BCAP29: variants seen among roughly 807,000 people sequenced by gnomAD.
BCAP29 encodes B cell receptor associated protein 29.
In BCAP29, 34 loss-of-function variants were observed where a neutral mutation model predicts 31.8. That is an observed-to-expected ratio of 1.07 (90% CI 0.81 to 1.42). The LOEUF (loss-of-function observed/expected upper bound fraction) is 1.42, where lower values mean the gene tolerates loss of function less well. Among genes scored for constraint, BCAP29 ranks in the 40% most tolerant of loss-of-function variants. BCAP29 has a pLI of 0.00. For synonymous variants in BCAP29, 104 were observed against 91.3 expected, an observed-to-expected ratio of 1.14 and a Z score of -0.79; for missense variants, 314 against 269.2, an observed-to-expected ratio of 1.17 and a Z score of -1.16.
At chr7:107,599,422 AG>A (rs1396509357) in intron 5 of BCAP29, among the ~76,000 whole-genome samples, 1 of 144,902 alleles carries the variant, frequency 6.9e-6, no homozygotes, top group East Asian at 2.0e-4. Context: ...CAAGAGGCTG[AG>A]ATGGGAGGAT....
chr7:107,585,181 A>G (rs1807413266), intron 3 of BCAP29, among the ~76,000 whole-genome samples: 1 of 152,220 alleles, frequency 6.6e-6, no homozygotes, highest in Non-Finnish European at 1.5e-5. Flanking sequence ...TTGGTTAAAT[A>G]GGATTTAGAG....
At chr7:107,599,415 G>A (rs1357339909) in intron 5 of BCAP29, among the ~76,000 whole-genome samples, 1 of 142,952 alleles carries the variant, frequency 7.0e-6, no homozygotes, top group African/African-American at 2.6e-5. Flanking sequence ...AGCTACTCAA[G>A]AGGCTGAGAT....
chr7:107,602,312 G>T (rs1039015989), intron 6 of BCAP29, among the ~76,000 whole-genome samples: 4 of 152,114 alleles, frequency 2.6e-5, no homozygotes, highest in African/African-American at 4.8e-5. Flanking sequence ...TCAGAGTTCC[G>T]TTTCTAAAGA....
At chr7:107,606,121 C>T (rs1812039539) in intron 6 of BCAP29, among the ~76,000 whole-genome samples, 1 of 152,096 alleles carries the variant, frequency 6.6e-6, no homozygotes, top group Admixed American at 6.5e-5. Context: ...TGGCTGTATT[C>T]CAACTTTACT....
chr7:107,583,789 C>T (rs886271313), intron 2 of BCAP29, 93 bp from the exon 3 acceptor site: 1 of 533,566 alleles, frequency 1.9e-6, no homozygotes, highest in Non-Finnish European at 3.2e-6. Flanking sequence ...TCACTTGCTA[C>T]ACAATTACTA....
chr7:107,600,320 A>T, intron 5 of BCAP29, 77 bp from the exon 6 acceptor site: 1 of 848,244 alleles, frequency 1.2e-6, no homozygotes, highest in Non-Finnish European at 2.0e-6. Context: ...TAGATAGGTT[A>T]CTCAGCTTAT....
chr7:107,613,392 A>G lies in BCAP29; in HGVS notation c.650A>G (p.Lys217Arg). 1 of 1,613,246 alleles carries G rather than the reference A, an allele frequency of 6.2e-7. No homozygotes were observed. Among genetic ancestry groups the G allele is most frequent in the South Asian group, 1.1e-5 (1 of 91,026 alleles). The change falls in exon 7 of 8, where the codon AAA (lysine) becomes AGA (arginine). Residue 217 changes from lysine (K) to arginine (R), a missense_variant. Transcript: ENST00000005259. The stretch of plus-strand genomic sequence containing the variant: ...AAGATGCAGTCAGAGAGACTTTCGA[A>G]AGAATATGATCAACTCCTGAAAGAA... ...EMKMQSERLS[K>R]EYDQLLKEHS...
At chr7:107,592,870 C>G (rs1809133450) in intron 3 of BCAP29, among the ~76,000 whole-genome samples, 1 of 152,184 alleles carries the variant, frequency 6.6e-6, no homozygotes, top group Non-Finnish European at 1.5e-5. Context: ...TATGAAATGT[C>G]TAGAACAGGT....
At position 107,580,753 on chromosome 7, in the gene BCAP29, A is replaced by T. The variant is rs1288451958; in HGVS notation, c.-14-6A>T. 6.4e-7 allele frequency: 1 copy of T among 1,574,262 alleles called. No individual in the cohort carries two copies. Among genetic ancestry groups the T allele is most frequent in the Non-Finnish European group, 8.7e-7 (1 of 1,156,042 alleles). On this transcript the variant is annotated splice_region_variant and splice_polypyrimidine_tract_variant and intron_variant, in intron 1 of 7. Coordinates refer to ENST00000005259, the MANE Select transcript of BCAP29 (RefSeq NM_018844.4). ...AGCAAGAGAAAATAAGTGTTTTTCCATTTAGGTGTGAAGAAAAAAATGACA... is the reference window on the plus strand; with the variant it reads ...AGCAAGAGAAAATAAGTGTTTTTCCTTTTAGGTGTGAAGAAAAAAATGACA...
chr7:107,613,643 C>G, intron 7 of BCAP29: 1 of 1,607,216 alleles, frequency 6.2e-7, no homozygotes, highest in Non-Finnish European at 8.5e-7. Context: ...TGCTGACTTG[C>G]ATACTTACAG....
At chr7:107,592,607 C>T (rs1339767699) in intron 3 of BCAP29, among the ~76,000 whole-genome samples, 1 of 152,154 alleles carries the variant, frequency 6.6e-6, no homozygotes, top group African/African-American at 2.4e-5. Context: ...AATGAAAGCA[C>T]ATGTCGATAT....
intron 7 of BCAP29, among the ~76,000 whole-genome samples, chr7:107,614,387 G>A (rs1813754402): frequency 6.6e-6 from 1 of 152,124 alleles, no homozygotes; most frequent in South Asian, 2.1e-4. Context: ...GCAGGTTATA[G>A]CATCCCTTTG....
chr7:107,586,627 T>C (rs1807734957), intron 3 of BCAP29, among the ~76,000 whole-genome samples: 1 of 152,200 alleles, frequency 6.6e-6, no homozygotes, highest in African/African-American at 2.4e-5. Flanking sequence ...GGATTACTCA[T>C]GCTTAATTTA....
rs765934477 is a variant in BCAP29 at position 107,613,402 on chromosome 7, T to G, written c.660T>G (p.Asp220Glu). Residue 220 changes from aspartate (D) to glutamate (E), a missense_variant, in exon 7 of 8, where the codon GAT (aspartate) becomes GAG (glutamate). Transcript: ENST00000005259. ...MQSERLSKEY[D>E]QLLKEHSELQ... ...CAGAGAGACTTTCGAAAGAATATGA[T>G]CAACTCCTGAAAGAACACTCTGAAC... 235 of 1,612,066 alleles carry G rather than the reference T, an allele frequency of 1.5e-4. No homozygotes were observed. Among genetic ancestry groups the G allele is most frequent in the Non-Finnish European group, 1.8e-4 (208 of 1,178,432 alleles).
At chr7:107,598,894 TAC>T (rs59376183) in intron 5 of BCAP29, among the ~76,000 whole-genome samples, 24,155 of 138,766 alleles carry the variant, frequency 0.17, 2,389 homozygotes, top group East Asian at 0.26. Context: ...CAATACAGTA[TAC>T]ACACACACAC....
chr7:107,617,859 C>A (rs1458843155), intron 7 of BCAP29, among the ~76,000 whole-genome samples: 1 of 152,110 alleles, frequency 6.6e-6, no homozygotes, highest in African/African-American at 2.4e-5. Context: ...AGATTAATTT[C>A]TTTTCCATTT....
intron 3 of BCAP29, among the ~76,000 whole-genome samples, chr7:107,592,218 C>T (rs939020624): frequency 1.3e-5 from 2 of 152,070 alleles, no homozygotes; most frequent in Non-Finnish European, 2.9e-5. Context: ...GAAAAAAATT[C>T]TATGAAAGAC....
intron 5 of BCAP29, among the ~76,000 whole-genome samples, chr7:107,597,240 T>G (rs1227576682): frequency 2.6e-5 from 4 of 152,194 alleles, no homozygotes; most frequent in South Asian, 4.1e-4. Flanking sequence ...TGTTTTGTCC[T>G]TCCTTCCTTT....
At chr7:107,614,900 A>G (rs1423447233) in intron 7 of BCAP29, among the ~76,000 whole-genome samples, 1 of 152,218 alleles carries the variant, frequency 6.6e-6, no homozygotes, top group East Asian at 1.9e-4. Flanking sequence ...TATTCGTGGT[A>G]TCTTTCAAGG....
Sources: allele counts gnomAD v4.1 joint callset (sites outside exome capture counted in the v4.1 genomes callset), GRCh38; gene constraint gnomAD v4.1.1; transcripts MANE v1.5; gene names NCBI Gene and HGNC (gene_info 2026-07-23, HGNC 2026-07-21).